Variants in WDR27 observed in about 807,000 individuals in gnomAD.
WDR27 encodes WD repeat-containing protein 27.
In WDR27, 100 loss-of-function variants were observed where a neutral mutation model predicts 114.4. The ratio of observed to expected loss-of-function variants is 0.87; its 90% CI spans 0.74 to 1.03. The LOEUF is 1.03. Among genes scored for constraint, WDR27 ranks in the 50% least tolerant of loss-of-function variants. The pLI, the probability that WDR27 is intolerant of heterozygous loss-of-function variation, is 0.00. For synonymous variants in WDR27, 449 were observed against 423.1 expected (o/e 1.06, Z -0.75); for missense variants, 1,129 against 1,092.9 (o/e 1.03, Z -0.47).
chr6:169,646,490 T>C (rs1406816829), intron 16 of WDR27, among the ~76,000 whole-genome samples: 8 of 152,162 alleles, frequency 5.3e-5, no homozygotes, highest in Admixed American at 5.2e-4. Flanking sequence ...CTCACACCTG[T>C]AATCCCAGCA....
intron 23 of WDR27, among the ~76,000 whole-genome samples, chr6:169,601,117 G>A (rs1170409365): frequency 1.3e-5 from 2 of 152,164 alleles, no homozygotes; most frequent in African/African-American, 4.8e-5. Context: ...TGATCTCTCG[G>A]GAGAAACTCT....
the WDR27 span, among the ~76,000 whole-genome samples, chr6:169,448,623 G>A: frequency 1.5e-3 from 235 of 152,184 alleles, 1 homozygote; most frequent in African/African-American, 5.3e-3. Flanking sequence ...GCCCTTTGCC[G>A]AGTGACTTGG....
intron 2 of WDR27, among the ~76,000 whole-genome samples, chr6:169,679,752 G>C (rs1235414471): frequency 6.6e-6 from 1 of 152,194 alleles, no homozygotes; most frequent in Non-Finnish European, 1.5e-5. Context: ...AGAACCATGA[G>C]CCAATTAAAT....
At chr6:169,639,748 C>T (rs1341270137) in intron 17 of WDR27, among the ~76,000 whole-genome samples, 1 of 152,168 alleles carries the variant, frequency 6.6e-6, no homozygotes, top group African/African-American at 2.4e-5. Context: ...GGGCCCAGAC[C>T]CTGAGCACGT....
At chr6:169,578,699 C>T (rs1003958467) in intron 24 of WDR27, among the ~76,000 whole-genome samples, 1 of 152,008 alleles carries the variant, frequency 6.6e-6, no homozygotes, top group African/African-American at 2.4e-5. Flanking sequence ...GACAAGAACT[C>T]GATAACGAGG....
At chr6:169,517,411 A>T (rs948249417) in intron 25 of WDR27, among the ~76,000 whole-genome samples, 2 of 152,234 alleles carry the variant, frequency 1.3e-5, no homozygotes, top group Non-Finnish European at 2.9e-5. Context: ...CTGGGGGAAC[A>T]GAGTGAAGCC....
the WDR27 span, among the ~76,000 whole-genome samples, chr6:169,427,791 G>C: frequency 5.6e-5 from 8 of 142,988 alleles, no homozygotes; most frequent in Non-Finnish European, 7.6e-5. Flanking sequence ...TTTGGAACAA[G>C]TGAAGACAAA....
At chr6:169,692,437 A>C (rs540493474) in intron 1 of WDR27, among the ~76,000 whole-genome samples, 109 of 152,264 alleles carry the variant, frequency 7.2e-4, no homozygotes, top group Non-Finnish European at 1.3e-3. Flanking sequence ...CACTGTGGAC[A>C]GATGGGGAGG....
At chr6:169,570,025 A>G (rs73790022) in intron 25 of WDR27, among the ~76,000 whole-genome samples, 2,463 of 152,218 alleles carry the variant, frequency 0.016, 64 homozygotes, top group African/African-American at 0.057. Flanking sequence ...CCATGCTGCT[A>G]GGAAGAACCC....
At chr6:169,662,859 C>T (rs376956116) in intron 8 of WDR27, among the ~76,000 whole-genome samples, 4 of 139,818 alleles carry the variant, frequency 2.9e-5, no homozygotes, top group East Asian at 2.4e-4. Context: ...GCGTGTGCAC[C>T]GCGGAGTACT....
rs184287943 is a variant in WDR27, at chr6:169,471,567, T to A, written c.2646-13933A>T. Among the ~76,000 whole-genome samples, 317 of 152,338 alleles carry A rather than the reference T, an allele frequency of 2.1e-3. 3 individuals are homozygous for A. Among genetic ancestry groups the A allele is most frequent in the African/African-American group, 7.3e-3 (303 of 41,584 alleles). ...TAAAATGTCCATGGCTTGAATACTA[T>A]GTCATCTGAAAACAGGTGTCCATAG... On this transcript the variant is annotated intron_variant, in intron 25 of 25. Transcript: ENST00000448612.
chr6:169,490,218 G>A (rs112426927), intron 25 of WDR27, among the ~76,000 whole-genome samples: 167 of 152,334 alleles, frequency 1.1e-3, no homozygotes, highest in African/African-American at 3.9e-3. Flanking sequence ...CTTTTTACTA[G>A]AATAGGTTTA....
chr6:169,635,734 G>T (rs1817528106), intron 19 of WDR27, among the ~76,000 whole-genome samples: 1 of 152,094 alleles, frequency 6.6e-6, no homozygotes, highest in South Asian at 2.1e-4. Flanking sequence ...CAAACTGAAG[G>T]CACACATCTC....
At chr6:169,480,327 C>T (rs913321229) in intron 25 of WDR27, among the ~76,000 whole-genome samples, 1 of 152,208 alleles carries the variant, frequency 6.6e-6, no homozygotes, top group Non-Finnish European at 1.5e-5. Flanking sequence ...ACCCCTGCCA[C>T]TCCCGTGAGC....
chr6:169,497,041 T>C (rs1562494592), intron 25 of WDR27, among the ~76,000 whole-genome samples: 4 of 152,036 alleles, frequency 2.6e-5, no homozygotes, highest in Admixed American at 1.3e-4. Flanking sequence ...CACACATTAA[T>C]ACAGAGCTAC....
intron 25 of WDR27, among the ~76,000 whole-genome samples, chr6:169,528,638 T>C (rs1795223027): frequency 6.6e-6 from 1 of 152,218 alleles, no homozygotes; most frequent in African/African-American, 2.4e-5. Context: ...GAGATTCTTG[T>C]GCCTTGACCT....
chr6:169,539,918 A>G lies in WDR27; in HGVS notation c.2645+32501T>C, dbSNP rs115995978. Among the ~76,000 whole-genome samples the G allele has an allele frequency of 3.4e-3, 516 of 152,314 alleles. 5 individuals are homozygous for G. The highest frequency in any genetic ancestry group is 0.012 in the African/African-American group (498 of 41,570). On this transcript the variant is annotated intron_variant, in intron 25 of 25. Transcript: ENST00000448612. ...CATAGACTCCTCTCTCTGAAAAATG[A>G]GTCCATCAGCAATGCTACCTCCCGA...
chr6:169,675,220 C>G (rs1263856195), intron 2 of WDR27, among the ~76,000 whole-genome samples: 1 of 152,086 alleles, frequency 6.6e-6, no homozygotes, highest in Non-Finnish European at 1.5e-5. Flanking sequence ...GGGCAGATCC[C>G]TCATGGCATG....
At chr6:169,686,297 G>A (rs1162422132) in intron 2 of WDR27, among the ~76,000 whole-genome samples, 1 of 151,826 alleles carries the variant, frequency 6.6e-6, no homozygotes, top group Non-Finnish European at 1.5e-5. Context: ...AAAGACAAAG[G>A]AATCAAACCT....
Sources: gnomAD v4.1 joint callset for allele counts (sites outside exome capture counted in the v4.1 genomes callset) on GRCh38, gnomAD v4.1.1 for gene constraint, MANE v1.5 for transcripts, NCBI Gene and HGNC (gene_info 2026-07-23, HGNC 2026-07-21) for gene names.